ARHGEF3: variants seen among roughly 807,000 people sequenced by gnomAD.
ARHGEF3 encodes the protein Rho guanine nucleotide exchange factor 3, also known as 59.8 kDA protein.
A neutral mutation model predicts 63.2 loss-of-function variants in ARHGEF3; 28 were observed. That is an observed-to-expected ratio of 0.44 (90% CI 0.33 to 0.61). The LOEUF (loss-of-function observed/expected upper bound fraction) is 0.61, where lower values mean the gene tolerates loss of function less well. ARHGEF3 is among the 20% of genes least tolerant of loss of function. The pLI, the probability that ARHGEF3 is intolerant of heterozygous loss-of-function variation, is 0.03. For synonymous variants in ARHGEF3, 266 were observed against 254.2 expected, an observed-to-expected ratio of 1.05 and a Z score of -0.44; for missense variants, 533 against 659.3, an observed-to-expected ratio of 0.81 and a Z score of 2.10.
At chr3:56,895,712 C>T (rs1047197907) in intron 3 of ARHGEF3, among the ~76,000 whole-genome samples, 3 of 152,114 alleles carry the variant, frequency 2.0e-5, no homozygotes, top group Non-Finnish European at 4.4e-5. Context: ...ATCCACCTGC[C>T]TCGGCCTCCC....
rs556851350 is a variant in ARHGEF3, at chr3:56,941,239, G to A, written c.129+17584C>T. On this transcript the variant is annotated intron_variant, in intron 3 of 12. Transcript: ENST00000338458. ...TGTTCTGTTTTTGAGGCAGAGTCTC[G>A]CTCTGTCGCATAGGCTGGAGTGCAC... 1.1e-4 allele frequency among the ~76,000 whole-genome samples: 16 copies of A among 152,282 alleles called. No homozygotes were observed. The East Asian group carries it at 1.9e-3, about 18-fold the overall frequency.
rs2039022659 is a variant in ARHGEF3 at position 56,834,095 on chromosome 3, G to C, written c.192+48197C>G. 2.0e-5 allele frequency among the ~76,000 whole-genome samples: 3 copies of C among 152,140 alleles called. No individual in the cohort carries two copies. The East Asian group carries it at 5.8e-4, about 29-fold the overall frequency. Reference sequence around the variant, plus strand: ...ATTTTTGTATTTTTTAGTAGAGACGGGGTTTCACCATATTGGCCAGGCTGG... The same window carrying C: ...ATTTTTGTATTTTTTAGTAGAGACGCGGTTTCACCATATTGGCCAGGCTGG... On this transcript the variant is annotated intron_variant, in intron 4 of 12. Coordinates refer to the ARHGEF3 transcript ENST00000338458.
intron 4 of ARHGEF3, among the ~76,000 whole-genome samples, chr3:56,859,874 T>C (rs2040010862): frequency 6.6e-6 from 1 of 151,898 alleles, no homozygotes; most frequent in African/African-American, 2.4e-5. Flanking sequence ...ACTCATTACA[T>C]TGAGCTGGGC....
chr3:56,893,325 G>A (rs1684938002), intron 3 of ARHGEF3, among the ~76,000 whole-genome samples: 1 of 152,142 alleles, frequency 6.6e-6, no homozygotes, highest in African/African-American at 2.4e-5. Context: ...TTACAGGCAT[G>A]TGCCACTGTG....
At chr3:56,802,078 G>A (rs80200028), upstream of ARHGEF3, 5,003 of 1,131,180 alleles carry the variant, frequency 4.4e-3, 167 homozygotes, top group African/African-American at 0.072. Flanking sequence ...GACACCTCCT[G>A]GGGCTGCGAG....
At chr3:57,077,913 G>A (rs1363546117) in intron 1 of ARHGEF3, among the ~76,000 whole-genome samples, 1 of 152,174 alleles carries the variant, frequency 6.6e-6, no homozygotes. Flanking sequence ...GTGCGGAAGG[G>A]AACACCATGG....
intron 3 of ARHGEF3, among the ~76,000 whole-genome samples, chr3:56,921,453 T>C (rs1250495471): frequency 7.6e-6 from 1 of 131,864 alleles, no homozygotes; most frequent in African/African-American, 2.7e-5. Flanking sequence ...GTTACTAGGT[T>C]ATCAGGGAGG....
chr3:57,017,067 A>ACACAC (rs1553807014), intron 2 of ARHGEF3, among the ~76,000 whole-genome samples: 133 of 123,948 alleles, frequency 1.1e-3, no homozygotes, highest in South Asian at 2.0e-3. Flanking sequence ...CACACACACG[A>ACACAC]GTCACCAAAC....
At chr3:57,068,654 C>G (rs1208380627) in intron 1 of ARHGEF3, among the ~76,000 whole-genome samples, 2 of 152,268 alleles carry the variant, frequency 1.3e-5, no homozygotes, top group South Asian at 2.1e-4. Flanking sequence ...CTCCCCACCC[C>G]CTTGGGAGAT....
At chr3:56,974,842 T>A (rs1241243891) in intron 2 of ARHGEF3, among the ~76,000 whole-genome samples, 2 of 152,098 alleles carry the variant, frequency 1.3e-5, no homozygotes, top group African/African-American at 4.8e-5. Context: ...AGCAGCAGAT[T>A]GTTATTTTTC....
intron 4 of ARHGEF3, among the ~76,000 whole-genome samples, chr3:56,869,649 T>C (rs756694787): frequency 2.0e-5 from 3 of 152,170 alleles, no homozygotes; most frequent in East Asian, 1.9e-4. Context: ...GCTTCTGCAA[T>C]TGAAACCAGG....
At chr3:56,881,621 C>T (rs1413138462) in intron 4 of ARHGEF3, among the ~76,000 whole-genome samples, 5 of 152,106 alleles carry the variant, frequency 3.3e-5, no homozygotes, top group Admixed American at 1.3e-4. Flanking sequence ...GACACTTGAG[C>T]ATCTTCTACA....
At chr3:56,922,277 C>T (rs2042163102) in intron 3 of ARHGEF3, among the ~76,000 whole-genome samples, 1 of 152,136 alleles carries the variant, frequency 6.6e-6, no homozygotes. Context: ...TTTCAAGAAA[C>T]TGTCAAGTCT....
chr3:56,866,238 C>A (rs1302936720), intron 4 of ARHGEF3, among the ~76,000 whole-genome samples: 1 of 152,170 alleles, frequency 6.6e-6, no homozygotes, highest in Non-Finnish European at 1.5e-5. Context: ...TCATCAGGTC[C>A]ATTTTCAGGT....
intron 2 of ARHGEF3, among the ~76,000 whole-genome samples, chr3:56,986,851 G>T (rs1701562083): frequency 6.7e-6 from 1 of 149,806 alleles, no homozygotes; most frequent in Admixed American, 6.7e-5. Flanking sequence ...TGGAGTGATG[G>T]TCATAATCTT....
At chr3:56,909,732 C>T (rs72870554) in intron 3 of ARHGEF3, among the ~76,000 whole-genome samples, 1 of 152,168 alleles carries the variant, frequency 6.6e-6, no homozygotes, top group Admixed American at 6.5e-5. Flanking sequence ...ACTGTTACTA[C>T]GTTTAACACC....
chr3:56,769,720 T>C (rs560429254), intron 2 of ARHGEF3, among the ~76,000 whole-genome samples: 50 of 152,324 alleles, frequency 3.3e-4, no homozygotes, highest in African/African-American at 1.2e-3. Context: ...CTGCTAAGTG[T>C]TCCAGCACTG....
At chr3:56,838,053 G>A (rs545948451) in intron 4 of ARHGEF3, among the ~76,000 whole-genome samples, 1 of 152,050 alleles carries the variant, frequency 6.6e-6, no homozygotes, top group Admixed American at 6.6e-5. Context: ...TTTATCACAG[G>A]AAAATACCTA....
chr3:56,959,766 T>A (rs1270362750), intron 2 of ARHGEF3, among the ~76,000 whole-genome samples: 1 of 152,076 alleles, frequency 6.6e-6, no homozygotes, highest in Non-Finnish European at 1.5e-5. Flanking sequence ...TCACTTGAGG[T>A]CAGGAGTTCA....
Sources: gnomAD v4.1 joint callset for allele counts (sites outside exome capture counted in the v4.1 genomes callset) on GRCh38, gnomAD v4.1.1 for gene constraint, MANE v1.5 for transcripts, NCBI Gene and HGNC (gene_info 2026-07-23, HGNC 2026-07-21) for gene names.